The following GALNT16 variants were observed in gnomAD, a reference collection of about 807,000 sequenced individuals.
GALNT16 encodes the protein UDP-GalNAc:polypeptide N-acetylgalactosaminyltransferase-like protein 1.
GALNT16 carries 40 observed loss-of-function variants against 76.1 expected under a neutral mutation model. The ratio of observed to expected loss-of-function variants is 0.53; its 90% CI spans 0.41 to 0.68. The LOEUF is 0.68. GALNT16 is among the 30% of genes least tolerant of loss of function. The probability of loss-of-function intolerance (pLI) is 0.00; values close to 1 mark genes in which losing one functional copy is unlikely to be tolerated. For missense variants in GALNT16, 621 were observed against 731.9 expected (o/e 0.85, Z 1.75); for synonymous variants, 276 against 285.2 (o/e 0.97, Z 0.32).
chr14:69,319,579 C>T (rs1191654485), intron 1 of GALNT16, among the ~76,000 whole-genome samples: 2 of 152,228 alleles, frequency 1.3e-5, no homozygotes, highest in East Asian at 3.8e-4. Flanking sequence ...GGAGAACATC[C>T]AGCCAGCAGT....
chr14:69,319,197 C>A (rs1327334097), intron 1 of GALNT16, among the ~76,000 whole-genome samples: 1 of 152,162 alleles, frequency 6.6e-6, no homozygotes, highest in African/African-American at 2.4e-5. Context: ...GGACAGGAGG[C>A]AACCCTAGAA....
At chr14:69,330,037 A>G (rs1447412240) in intron 6 of GALNT16, among the ~76,000 whole-genome samples, 1 of 152,232 alleles carries the variant, frequency 6.6e-6, no homozygotes, top group African/African-American at 2.4e-5. Flanking sequence ...CAGTTCTGCG[A>G]AAGTTTGAAC....
chr14:69,336,521 T>A (rs1234697047), intron 9 of GALNT16, among the ~76,000 whole-genome samples: 1 of 152,114 alleles, frequency 6.6e-6, no homozygotes, highest in African/African-American at 2.4e-5. Flanking sequence ...ACTTGCTCCC[T>A]CATCTGTTTC....
intron 1 of GALNT16, among the ~76,000 whole-genome samples, chr14:69,307,780 A>G (rs1226837434): frequency 6.6e-6 from 1 of 152,208 alleles, no homozygotes; most frequent in Non-Finnish European, 1.5e-5. Flanking sequence ...ACGGAAAAGG[A>G]AATGGCACCA....
At chr14:69,326,142 C>T (rs1373371148) in intron 5 of GALNT16, 115 bp downstream of exon 5, 6 of 798,392 alleles carry the variant, frequency 7.5e-6, no homozygotes, top group Non-Finnish European at 1.1e-5. Flanking sequence ...TGCTGCATTC[C>T]TGATGGCTGA....
intron 9 of GALNT16, among the ~76,000 whole-genome samples, chr14:69,336,267 G>T (rs1335836242): frequency 1.3e-5 from 2 of 152,102 alleles, no homozygotes; most frequent in African/African-American, 2.4e-5. Context: ...ACACCACCAG[G>T]CCCGGCTAAT....
chr14:69,279,803 C>T (rs1002271443), intron 1 of GALNT16, among the ~76,000 whole-genome samples: 5 of 152,224 alleles, frequency 3.3e-5, no homozygotes, highest in Admixed American at 2.0e-4. Context: ...GTAGGGTCAT[C>T]TCATGGGATT....
In GALNT16 at chr14:69,341,753, C is replaced by T. The variant is rs769287456; in HGVS notation, c.1260C>T (p.Tyr420=). The change falls in exon 12 of 15, where the codon TAC becomes TAT. Residue 420 remains tyrosine, a synonymous_variant. Coordinates refer to ENST00000448469, the MANE Select transcript of GALNT16 (RefSeq NM_001168368.2). ...TCCGCTGGTACCTGGAGAACGTCTACCCAGAGCTCACGTGAGTGCAGCCCT... is the reference window on the plus strand; with the variant it reads ...TCCGCTGGTACCTGGAGAACGTCTATCCAGAGCTCACGTGAGTGCAGCCCT... ...KSFRWYLENV[Y]PELTVPVKEA... The T allele has an allele frequency of 2.5e-6, 4 of 1,611,382 alleles. No individual in the cohort carries two copies. The highest frequency in any genetic ancestry group is 2.7e-5 in the African/African-American group (2 of 74,982).
In GALNT16 at chr14:69,322,926, GTGTGTGTGTGT is replaced by G. The variant is rs1466839502; in HGVS notation, c.336-1765_336-1755del. Among the ~76,000 whole-genome samples, 117 of 27,726 alleles carry G rather than the reference GTGTGTGTGTGT, an allele frequency of 4.2e-3. 1 individual carries two copies. The highest frequency in any genetic ancestry group is 7.2e-3 in the Admixed American group (31 of 4,286). The allele number at this position is 27,726 out of a possible 152,430, so 18.2% of individuals were successfully genotyped here. ...AAAGAAAGCTGAGGTGGCTCACGGGGTGTGTGTGTGTGTGTGTGTGTGTGTGTGTGTGTGTG... is the reference window on the plus strand; with the variant it reads ...AAAGAAAGCTGAGGTGGCTCACGGGGGTGTGTGTGTGTGTGTGTGTGTGTG... On this transcript the variant is annotated intron_variant, in intron 2 of 14. Transcript: ENST00000448469.
At chr14:69,347,827 C>T (rs1394657122) in intron 13 of GALNT16, 50 bp from the exon 14 acceptor site, 2 of 1,599,892 alleles carry the variant, frequency 1.3e-6, no homozygotes, top group Admixed American at 1.7e-5. Flanking sequence ...CCCATCTCTC[C>T]ACCCATCGCT....
chr14:69,304,706 A>G (rs2044906361), intron 1 of GALNT16, among the ~76,000 whole-genome samples: 1 of 152,256 alleles, frequency 6.6e-6, no homozygotes, highest in Non-Finnish European at 1.5e-5. Flanking sequence ...ACTTTAAATA[A>G]GTGGAATCAT....
intron 1 of GALNT16, among the ~76,000 whole-genome samples, chr14:69,314,439 A>T (rs2045071546): frequency 6.6e-6 from 1 of 152,240 alleles, no homozygotes; most frequent in Non-Finnish European, 1.5e-5. Flanking sequence ...GTGCAGCAGA[A>T]GATGGGGACA....
At chr14:69,385,651 GA>G in the GALNT16 span, among the ~76,000 whole-genome samples, 27,548 of 126,326 alleles carry the variant, frequency 0.22, 2,646 homozygotes, top group South Asian at 0.3. Context: ...TAAAAAAAAG[GA>G]AAAAAAAAAA....
intron 1 of GALNT16, among the ~76,000 whole-genome samples, chr14:69,285,127 G>C (rs560215512): frequency 7.0e-6 from 1 of 143,466 alleles, no homozygotes; most frequent in Admixed American, 7.6e-5. Context: ...TGCAAGCTCC[G>C]CCTCCCGGGT....
In GALNT16 at chr14:69,264,819, C is replaced by CTTTTTTTTTTTTTTTTTTTTT. The variant is rs60818532; in HGVS notation, c.177+4363_177+4364insTTTTTTTTTTTTTTTTTTTTT. On this transcript the variant is annotated intron_variant, in intron 1 of 14. Transcript: ENST00000448469. Reference sequence around the variant, plus strand: ...TTTATTTTCTCTTTTCTTTTTCTTTCTTTTTTTTTTTGGACACAGGGTCTC... The same window carrying CTTTTTTTTTTTTTTTTTTTTT: ...TTTATTTTCTCTTTTCTTTTTCTTTCTTTTTTTTTTTTTTTTTTTTTTTTTTTTTTTTGGACACAGGGTCTC... Among the ~76,000 whole-genome samples the CTTTTTTTTTTTTTTTTTTTTT allele has an allele frequency of 3.8e-3, 364 of 96,534 alleles. 65 individuals carry two copies. Among genetic ancestry groups the CTTTTTTTTTTTTTTTTTTTTT allele is most frequent in the African/African-American group, 0.014 (282 of 19,452 alleles). The allele number at this position is 96,534 out of a possible 152,430, so 63.3% of individuals were successfully genotyped here. A position where few individuals can be genotyped will look rare whatever the true frequency, so the allele number is the denominator to read the frequency against.
Position 69,324,609 on chromosome 14 carries a change from G to T in GALNT16, c.336-83G>T, listed in dbSNP as rs2045253544. ...CTCTGCCTGGCAGAAGTATTCTCAG[G>T]CACAAGACTGGACAAAGAAAAACAT... is the stretch of plus-strand genomic sequence containing the variant. On this transcript the variant is annotated intron_variant, in intron 2 of 14. Transcript: ENST00000448469. 8 of 722,302 alleles carry T rather than the reference G, an allele frequency of 1.1e-5. No homozygotes were observed. The South Asian group carries it at 1.2e-4, about 11-fold the overall frequency. The allele number at this position is 722,302 out of a possible 1,614,324, so 44.7% of individuals were successfully genotyped here.
chr14:69,368,237 C>T, the GALNT16 span, among the ~76,000 whole-genome samples: 2 of 152,204 alleles, frequency 1.3e-5, no homozygotes, highest in Non-Finnish European at 1.5e-5. Flanking sequence ...TACCTATTGC[C>T]GTGTAAAAAA....
intron 1 of GALNT16, among the ~76,000 whole-genome samples, chr14:69,305,530 A>C (rs551055306): frequency 6.6e-6 from 1 of 152,182 alleles, no homozygotes; most frequent in African/African-American, 2.4e-5. Context: ...GCATTTTTTC[A>C]TATACCTGTT....
intron 6 of GALNT16, among the ~76,000 whole-genome samples, chr14:69,328,870 TG>T (rs1270732678): frequency 5.9e-5 from 9 of 152,152 alleles, no homozygotes; most frequent in African/African-American, 2.2e-4. Context: ...GATCCTGTGC[TG>T]GGAGAGCTTT....
Sources: allele counts gnomAD v4.1 joint callset (sites outside exome capture counted in the v4.1 genomes callset), GRCh38; gene constraint gnomAD v4.1.1; transcripts MANE v1.5; gene names NCBI Gene and HGNC (gene_info 2026-07-23, HGNC 2026-07-21).